The following RAET1L variants were observed in gnomAD, a reference collection of about 807,000 sequenced individuals.
RAET1L encodes retinoic acid early transcript 1L.
A neutral mutation model predicts 23.9 loss-of-function variants in RAET1L; 16 were observed. The observed-to-expected ratio is 0.67, with a 90% CI of 0.45 to 1.02. The LOEUF (loss-of-function observed/expected upper bound fraction) is 1.02. Ranked by LOEUF, RAET1L falls within the 50% of genes least tolerant of loss-of-function variation. The pLI, the probability that RAET1L is intolerant of heterozygous loss-of-function variation, is 0.00. For synonymous variants in RAET1L, 70 were observed against 111.2 expected, an observed-to-expected ratio of 0.63 and a Z score of 2.33; for missense variants, 233 against 304.0, an observed-to-expected ratio of 0.77 and a Z score of 1.74.
At position 150,018,642 on chromosome 6, in the gene RAET1L, C is replaced by G. The variant is rs1270378956; in HGVS notation, c.*236G>C. 1 of 153,024 alleles carries G rather than the reference C, an allele frequency of 6.5e-6. No homozygotes were observed. The highest frequency in any genetic ancestry group is 1.5e-5 in the Non-Finnish European group (1 of 68,636). 9.5% of individuals were successfully genotyped at this position (153,024 alleles called of 1,614,324 possible). ...AGTGCAGGAATTCCATCAGGTAGCACCAAGAGAAAATTGCATAATATGTTA... is the reference window on the plus strand; with the variant it reads ...AGTGCAGGAATTCCATCAGGTAGCAGCAAGAGAAAATTGCATAATATGTTA... On this transcript the variant is annotated 3_prime_UTR_variant, in exon 5 of 5. Transcript: ENST00000367341.
chr6:150,021,917 T>C, intron 2 of RAET1L, 63 bp downstream of exon 2: 3 of 1,593,906 alleles, frequency 1.9e-6, no homozygotes, highest in Non-Finnish European at 2.6e-6. Context: ...ACATGAAAAC[T>C]ATAAATGCCT....
At chr6:150,020,819 T>G in intron 3 of RAET1L, 86 bp downstream of exon 3, 1 of 1,574,778 alleles carries the variant, frequency 6.4e-7, no homozygotes, top group Non-Finnish European at 8.6e-7. Context: ...TACACTGGGA[T>G]GATTGAAGCT....
rs200010395 is a variant in RAET1L at position 150,020,876 on chromosome 6, A to G, written c.631+29T>C. The G allele has an allele frequency of 0.012, 19,094 of 1,605,270 alleles. 954 individuals carry two copies. In the Admixed American group the frequency reaches 0.13, roughly 11 times the overall value. On this transcript the variant is annotated intron_variant, in intron 3 of 4. Transcript: ENST00000367341. The stretch of plus-strand genomic sequence containing the variant: ...GAGATCCCCATTTCTGATCTCATTT[A>G]AGATCCCCGTTTCTTTTTCTCCTGT...
At chr6:150,021,232 C>T in intron 2 of RAET1L, 46 bp from the exon 3 acceptor site, 5 of 1,570,020 alleles carry the variant, frequency 3.2e-6, no homozygotes, top group Middle Eastern at 1.7e-4. Flanking sequence ...ACAAATTTTG[C>T]ACCCCCATCC....
At position 150,025,400 on chromosome 6, in the gene RAET1L, C is replaced by A. The variant is rs770145561; in HGVS notation, c.72G>T (p.Arg24=). 6.2e-7 allele frequency: 1 copy of A among 1,613,958 alleles called. No homozygotes were observed. Among genetic ancestry groups the A allele is most frequent in the East Asian group, 2.2e-5 (1 of 44,864 alleles). ...CCACCAGCTCACCGTCTCGCCTAGC[C>A]CGGGACCAGCCGAACAGCAGGAACA... ...PLLFLLFGWS[R]ARRDDPHSLC... The change falls in exon 1 of 5, where the codon CGG becomes CGT. Residue 24 remains arginine (R), a synonymous_variant. Coordinates refer to ENST00000367341, the MANE Select transcript of RAET1L (RefSeq NM_130900.3).
rs570771881 is a variant in RAET1L, at chr6:150,024,332, G to C, written c.85+1055C>G. ...GGGCACTGGGACACTGTAATCCCCT[G>C]ATCTGGGATCAGCAACCTAGGACAG... On this transcript the variant is annotated intron_variant, in intron 1 of 4. Coordinates refer to ENST00000367341, the MANE Select transcript of RAET1L (RefSeq NM_130900.3). Among the ~76,000 whole-genome samples, 212 of 152,258 alleles carry C rather than the reference G, an allele frequency of 1.4e-3. 2 individuals carry two copies. The highest frequency in any genetic ancestry group is 1.0e-4 in the Non-Finnish European group (7 of 68,008).
chr6:150,021,217 T>C, intron 2 of RAET1L, 31 bp from the exon 3 acceptor site: 1 of 1,587,866 alleles, frequency 6.3e-7, no homozygotes, highest in Non-Finnish European at 8.6e-7. Flanking sequence ...TCAGCTCTGA[T>C]CTTGACAAAT....
intron 1 of RAET1L, among the ~76,000 whole-genome samples, 179 bp from the exon 2 acceptor site, chr6:150,022,422 C>CAAG (rs1235918543): frequency 1.4e-5 from 1 of 70,972 alleles, no homozygotes; most frequent in Non-Finnish European, 3.6e-5. Context: ...TGCATGAGGA[C>CAAG]AAGGAGGAGG....
chr6:150,022,282 A>G (rs1400920160), intron 1 of RAET1L, 39 bp from the exon 2 acceptor site: 4 of 1,407,786 alleles, frequency 2.8e-6, no homozygotes. Context: ...TGGGGAGGAA[A>G]AGACCCCTAG....
Position 150,022,064 on chromosome 6 carries a change from C to T in RAET1L, c.265G>A (p.Ala89Thr), listed in dbSNP as rs781061254. The T allele has an allele frequency of 1.5e-6, 2 of 1,347,624 alleles. No homozygotes were observed. The highest frequency in any genetic ancestry group is 3.7e-5 in the Admixed American group (2 of 54,622). 83.5% of individuals were successfully genotyped at this position (1,347,624 alleles called of 1,614,324 possible). The change falls in exon 2 of 5, where the codon GCA becomes ACA. Residue 89 changes from alanine (A) to threonine (T), a missense_variant. Physicochemically the swap from Ala to Thr is moderately conservative, Grantham distance 58 (BLOSUM62 0). Around this residue, in one of 4 missense-constraint regions of RAET1L, gnomAD observed 44 missense variants for 107.4 expected, o/e 0.41. Coordinates refer to ENST00000367341, the MANE Select transcript of RAET1L (RefSeq NM_130900.3). Reference sequence around the variant, plus strand: ...ACCTCTCTCAGTACTGGGTTCTGTGCTTTCCAGGCCATTGTGACATTTAGT... The same window carrying T: ...ACCTCTCTCAGTACTGGGTTCTGTGTTTTCCAGGCCATTGTGACATTTAGT... ...KKLNVTMAWK[A>T]QNPVLREVVD...
At position 150,021,174 on chromosome 6, in the gene RAET1L, A is replaced by G. The variant is rs9479413; in HGVS notation, c.362T>C (p.Leu121Pro). 8,640 of 1,612,924 alleles carry G rather than the reference A, an allele frequency of 5.4e-3. 393 individuals carry two copies. In the African/African-American group the frequency reaches 0.098, roughly 18 times the overall value. The change falls in exon 3 of 5, where the codon CTG becomes CCG. Residue 121 changes from leucine to proline, a missense_variant. Physicochemically the swap from Leu to Pro is moderately conservative, Grantham distance 98. Transcript: ENST00000367341. ...ENYTPKEPLT[L>P]QARMSCEQKA... is the part of the protein sequence containing the mutation. ...CTGCTCACAAGACATCCTTGCCTGC[A>G]GGGTGAGGGGTTCTGCCCCCATCAG...
rs1242142791 is a variant in RAET1L at position 150,020,159 on chromosome 6, G to A, written c.712C>T (p.Leu238Phe). The change falls in exon 4 of 5, where the codon CTC (leucine) becomes TTC (phenylalanine). Residue 238 changes from leucine to phenylalanine, a missense_variant. Transcript: ENST00000367341. The stretch of plus-strand genomic sequence containing the variant: ...ATGCCAGGGAGGATGAAGCAGGGGA[G>A]GATGATGAGGAGGCAGCAAAGGATG... Reference protein sequence around the residue: ...TLILCCLLIILPCFILPGI With the variant: ...TLILCCLLIIFPCFILPGI 8.1e-7 allele frequency: 1 copy of A among 1,234,094 alleles called. No homozygotes were observed. Among genetic ancestry groups the A allele is most frequent in the South Asian group, 1.3e-5 (1 of 75,368 alleles). 76.4% of individuals were successfully genotyped at this position (1,234,094 alleles called of 1,614,324 possible).
chr6:150,019,013 C>T (rs1343331138), intron 4 of RAET1L, among the ~76,000 whole-genome samples, 158 bp from the exon 5 acceptor site: 1 of 152,224 alleles, frequency 6.6e-6, no homozygotes, highest in Non-Finnish European at 1.5e-5. Flanking sequence ...CTTGGACCTA[C>T]CTCTTTCCTC....
At chr6:150,024,320 C>T (rs1314609020) in intron 1 of RAET1L, among the ~76,000 whole-genome samples, 4 of 152,106 alleles carry the variant, frequency 2.6e-5, no homozygotes, top group African/African-American at 4.8e-5. Flanking sequence ...CACTGGGACA[C>T]TGTAATCCCC....
chr6:150,024,654 A>G (rs1020360772), intron 1 of RAET1L, among the ~76,000 whole-genome samples: 2 of 151,982 alleles, frequency 1.3e-5, no homozygotes, highest in Admixed American at 1.3e-4. Flanking sequence ...TCCCCCCTGC[A>G]CAGGTTCTGA....
chr6:150,024,376 C>T (rs909208034), intron 1 of RAET1L, among the ~76,000 whole-genome samples: 1 of 152,148 alleles, frequency 6.6e-6, no homozygotes, highest in Non-Finnish European at 1.5e-5. Context: ...TCTGGTCCCC[C>T]CTCTTTGAAG....
rs1779845146 is a variant in RAET1L, at chr6:150,018,334, T to C, written c.*544A>G. 3 of 152,146 alleles carry C rather than the reference T, an allele frequency of 2.0e-5. No individual in the cohort carries two copies. In the South Asian group the frequency reaches 6.2e-4, roughly 32 times the overall value. The allele number at this position is 152,146 out of a possible 1,614,324, so 9.4% of individuals were successfully genotyped here. ...ACAACAAAATTCTAAACTCAGTAGG[T>C]TTTTGGGAAATATAACTCTTTATTT... is the stretch of plus-strand genomic sequence containing the variant. On this transcript the variant is annotated 3_prime_UTR_variant, in exon 5 of 5. Coordinates refer to ENST00000367341, the MANE Select transcript of RAET1L (RefSeq NM_130900.3).
intron 3 of RAET1L, 81 bp from the exon 4 acceptor site, chr6:150,020,320 G>T (rs1779869306): frequency 1.1e-5 from 17 of 1,561,410 alleles, no homozygotes; most frequent in Non-Finnish European, 1.4e-5. Context: ...TGCCACCCTA[G>T]GTCATCCTGG....
At chr6:150,020,881 C>A (rs763416949) in intron 3 of RAET1L, 24 bp downstream of exon 3, 14 of 1,611,230 alleles carry the variant, frequency 8.7e-6, no homozygotes, top group South Asian at 1.1e-5. Context: ...CATTTAAGAT[C>A]CCCGTTTCTT....
Sources: allele counts gnomAD v4.1 joint callset (sites outside exome capture counted in the v4.1 genomes callset), GRCh38; gene constraint gnomAD v4.1.1; regional missense constraint gnomAD v4.1.1; transcripts MANE v1.5; gene names NCBI Gene and HGNC (gene_info 2026-07-23, HGNC 2026-07-21).